Variants in TUSC3 observed in about 807,000 individuals in gnomAD.
The protein encoded by TUSC3 is tumor suppressor candidate 3.
Under a neutral mutation model 44.8 loss-of-function variants are expected in TUSC3, and 45 were observed. The ratio of observed to expected loss-of-function variants is 1.00; its 90% CI spans 0.79 to 1.29. TUSC3 has a LOEUF of 1.29. Among genes scored for constraint, TUSC3 ranks in the 50% most tolerant of loss-of-function variants. The pLI is 0.00. For synonymous variants in TUSC3, 212 were observed against 152.9 expected (o/e 1.39, Z -2.85); for missense variants, 519 against 437.9 (o/e 1.19, Z -1.65).
At chr8:15,576,329 CTTTAAG>C (rs1295140762) in intron 1 of TUSC3, among the ~76,000 whole-genome samples, 2 of 101,100 alleles carry the variant, frequency 2.0e-5, no homozygotes, top group African/African-American at 7.3e-5. Flanking sequence ...TTTTATTATA[CTTTAAG>C]TTTTAGGGTA....
chr8:15,814,386 A>G, the TUSC3 span, among the ~76,000 whole-genome samples: 2 of 152,202 alleles, frequency 1.3e-5, no homozygotes, highest in African/African-American at 4.8e-5. Context: ...TTTGAATATG[A>G]GTCACTAATA....
At chr8:15,650,589 C>G in intron 2 of TUSC3, 108 bp from the exon 3 acceptor site, 1 of 813,722 alleles carries the variant, frequency 1.2e-6, no homozygotes, top group African/African-American at 1.7e-5. Context: ...TTCTTACAGT[C>G]TGTACAAAAA....
chr8:15,851,030 A>G, the TUSC3 span, among the ~76,000 whole-genome samples: 5 of 152,170 alleles, frequency 3.3e-5, no homozygotes, highest in African/African-American at 1.2e-4. Context: ...AGGTTTGCTG[A>G]TTGGTTCTAG....
intron 3 of TUSC3, among the ~76,000 whole-genome samples, chr8:15,658,041 C>G (rs1807253577): frequency 1.3e-5 from 2 of 152,138 alleles, no homozygotes; most frequent in African/African-American, 4.8e-5. Flanking sequence ...CCCTCATAGC[C>G]TAATCACCTC....
rs538726058 is a variant in TUSC3, at chr8:15,679,296, T to C, written c.798+5460T>C. 1.1e-4 allele frequency among the ~76,000 whole-genome samples: 16 copies of C among 152,200 alleles called. No homozygotes were observed. In the South Asian group the frequency reaches 3.3e-3, roughly 32 times the overall value. On this transcript the variant is annotated intron_variant, in intron 6 of 10. Coordinates refer to ENST00000503731, the MANE Select transcript of TUSC3 (RefSeq NM_006765.4). ...TTTTTTGACTTTTCTGTAATAGCCG[T>C]TCTGACTTGTGGGAAATGGTGTCTC...
chr8:15,782,215 G>A, the TUSC3 span, among the ~76,000 whole-genome samples: 1 of 152,192 alleles, frequency 6.6e-6, no homozygotes, highest in Non-Finnish European at 1.5e-5. Context: ...AACTGGCCCT[G>A]TAGTCCCAGC....
chr8:15,775,005 C>G, the TUSC3 span, among the ~76,000 whole-genome samples: 1 of 152,180 alleles, frequency 6.6e-6, no homozygotes, highest in South Asian at 2.1e-4. Context: ...GGTGTTTAAA[C>G]AAAACTTGCA....
At position 15,687,945 on chromosome 8, in the gene TUSC3, C is replaced by A. The variant is rs541168741; in HGVS notation, c.798+14109C>A. ...ATAATGAGAATGTGTTTTAATATGT[C>A]AAACTTCATCTAATACAGTTAATTA... On this transcript the variant is annotated intron_variant, in intron 6 of 10. Transcript: ENST00000503731. Among the ~76,000 whole-genome samples, 34 of 152,172 alleles carry A rather than the reference C, an allele frequency of 2.2e-4. 1 individual carries two copies. Among genetic ancestry groups the A allele is most frequent in the Middle Eastern group, 3.4e-3 (1 of 294 alleles).
At chr8:15,836,598 T>C in the TUSC3 span, among the ~76,000 whole-genome samples, 1 of 152,178 alleles carries the variant, frequency 6.6e-6, no homozygotes, top group African/African-American at 2.4e-5. Flanking sequence ...TAAATACTTT[T>C]TTGGTTGACT....
intron 2 of TUSC3, among the ~76,000 whole-genome samples, chr8:15,523,650 ATATATATATATATATGTGTGTGTGTG>A (rs370083239): frequency 0.2 from 8,768 of 44,058 alleles, 711 homozygotes; most frequent in Admixed American, 0.36. Flanking sequence ...ATATATATAT[ATATATATATATATATGTGTGTGTGTG>A]TGTGTGTGTG....
At chr8:15,448,763 C>T in intron 1 of TUSC3, among the ~76,000 whole-genome samples, 1 of 152,030 alleles carries the variant, frequency 6.6e-6, no homozygotes, top group Non-Finnish European at 1.5e-5. Context: ...GCATTGTAAA[C>T]AAAAAAGAGT....
chr8:15,791,632 C>T, the TUSC3 span, among the ~76,000 whole-genome samples: 5 of 152,058 alleles, frequency 3.3e-5, no homozygotes, highest in African/African-American at 1.2e-4. Flanking sequence ...ACATCATTGC[C>T]AATGCTCAAA....
chr8:15,836,215 C>A, the TUSC3 span, among the ~76,000 whole-genome samples: 6 of 151,810 alleles, frequency 4.0e-5, no homozygotes, highest in East Asian at 1.2e-3. Flanking sequence ...GTAGTACATG[C>A]CTGTAATCCC....
intron 6 of TUSC3, among the ~76,000 whole-genome samples, chr8:15,725,585 C>T (rs1308449182): frequency 1.3e-5 from 2 of 149,780 alleles, no homozygotes; most frequent in African/African-American, 5.0e-5. Flanking sequence ...TTTGGAATCT[C>T]GTTTGAATCT....
At chr8:15,786,478 T>C in the TUSC3 span, among the ~76,000 whole-genome samples, 1 of 152,230 alleles carries the variant, frequency 6.6e-6, no homozygotes, top group African/African-American at 2.4e-5. Flanking sequence ...TTGAGAATTC[T>C]TGTTTTTCAG....
At chr8:15,831,349 G>C in the TUSC3 span, among the ~76,000 whole-genome samples, 1 of 152,288 alleles carries the variant, frequency 6.6e-6, no homozygotes, top group Admixed American at 6.5e-5. Flanking sequence ...ACAAAGATGA[G>C]AAAGAACCAC....
intron 2 of TUSC3, among the ~76,000 whole-genome samples, chr8:15,502,744 G>C (rs1800984776): frequency 6.6e-6 from 1 of 152,130 alleles, no homozygotes; most frequent in Non-Finnish European, 1.5e-5. Flanking sequence ...CCCTGCCTTG[G>C]CCTCCCAAAG....
chr8:15,449,175 A>T (rs1042218027), intron 1 of TUSC3, among the ~76,000 whole-genome samples: 2 of 152,310 alleles, frequency 1.3e-5, no homozygotes, highest in South Asian at 4.1e-4. Context: ...CCAGAGTGGG[A>T]AGAATAGGAC....
At chr8:15,576,535 C>T (rs1415305742) in intron 1 of TUSC3, among the ~76,000 whole-genome samples, 2 of 143,534 alleles carry the variant, frequency 1.4e-5, no homozygotes, top group Non-Finnish European at 3.0e-5. Context: ...TTGTTCAGTC[C>T]CCACCTATGA....
Sources: allele counts gnomAD v4.1 joint callset (sites outside exome capture counted in the v4.1 genomes callset), GRCh38; gene constraint gnomAD v4.1.1; transcripts MANE v1.5; gene names NCBI Gene and HGNC (gene_info 2026-07-23, HGNC 2026-07-21).